The following IQGAP2 variants were observed in gnomAD, a reference collection of about 807,000 sequenced individuals.
The protein encoded by IQGAP2 is ras GTPase-activating-like protein IQGAP2.
IQGAP2 carries 173 observed loss-of-function variants against 201.3 expected under a neutral mutation model. That is an observed-to-expected ratio of 0.86 (90% CI 0.76 to 0.98). The LOEUF (loss-of-function observed/expected upper bound fraction) is 0.98, where lower values mean the gene tolerates loss of function less well. Ranked by LOEUF, IQGAP2 falls within the 50% of genes least tolerant of loss-of-function variation. IQGAP2 has a pLI of 0.00. For synonymous variants in IQGAP2, 675 were observed against 673.9 expected (o/e 1.00, Z -0.03); for missense variants, 1,687 against 1,864.8 (o/e 0.90, Z 1.76).
At position 76,460,737 on chromosome 5, in the gene IQGAP2, A is replaced by G. The variant is rs574445474; in HGVS notation, c.47-833A>G. Among the ~76,000 whole-genome samples, 7 of 152,240 alleles carry G rather than the reference A, an allele frequency of 4.6e-5. No individual in the cohort carries two copies. The East Asian group carries it at 5.8e-4, about 13-fold the overall frequency. ...TCTTTGTTGACACCCGTTGGTATCA[A>G]TGCTGTGGGGTGAGGTCTCCATGTT... On this transcript the variant is annotated intron_variant, in intron 1 of 35. Coordinates refer to ENST00000274364, the MANE Select transcript of IQGAP2 (RefSeq NM_006633.5).
At chr5:76,510,252 A>G (rs1053012149) in intron 2 of IQGAP2, among the ~76,000 whole-genome samples, 3 of 152,168 alleles carry the variant, frequency 2.0e-5, no homozygotes, top group African/African-American at 7.2e-5. Flanking sequence ...CACCCGCCTC[A>G]GCCTCCCAAA....
intron 23 of IQGAP2, 59 bp downstream of exon 23, chr5:76,668,903 G>T: frequency 9.2e-7 from 1 of 1,084,190 alleles, no homozygotes; most frequent in Non-Finnish European, 1.3e-6. Flanking sequence ...GTTAGTGGTG[G>T]CTGTCTTTGA....
intron 2 of IQGAP2, among the ~76,000 whole-genome samples, chr5:76,550,506 C>T (rs551205418): frequency 7.9e-5 from 12 of 152,012 alleles, no homozygotes; most frequent in Admixed American, 5.2e-4. Context: ...TGCTGCCTTC[C>T]GCAGTGTTTG....
At chr5:76,698,187 A>G in intron 33 of IQGAP2, 40 bp downstream of exon 33, 1 of 1,455,726 alleles carries the variant, frequency 6.9e-7, no homozygotes. Context: ...TAATGTCATG[A>G]TTTCTATGAG....
chr5:76,580,002 G>A (rs1298135130), intron 5 of IQGAP2, among the ~76,000 whole-genome samples: 1 of 152,176 alleles, frequency 6.6e-6, no homozygotes, highest in Non-Finnish European at 1.5e-5. Flanking sequence ...TAGGCCAGGT[G>A]TTGTGGCTCA....
At chr5:76,426,656 G>C (rs1180793597) in intron 1 of IQGAP2, among the ~76,000 whole-genome samples, 1 of 152,142 alleles carries the variant, frequency 6.6e-6, no homozygotes, top group East Asian at 1.9e-4. Flanking sequence ...TCTATGTGCC[G>C]AGTCTGCTGG....
intron 13 of IQGAP2, among the ~76,000 whole-genome samples, chr5:76,623,942 T>TTTTTC (rs1288702028): frequency 6.7e-6 from 1 of 149,200 alleles, no homozygotes; most frequent in East Asian, 1.9e-4. Flanking sequence ...CAGGCTTTTT[T>TTTTTC]TTTTTTTTTT....
intron 11 of IQGAP2, among the ~76,000 whole-genome samples, chr5:76,604,080 C>G (rs879338733): frequency 6.6e-6 from 1 of 152,086 alleles, no homozygotes; most frequent in African/African-American, 2.4e-5. Flanking sequence ...CTGCACCCAT[C>G]AACCCACCAT....
intron 2 of IQGAP2, among the ~76,000 whole-genome samples, chr5:76,469,748 C>CTT (rs781390838): frequency 6.8e-6 from 1 of 146,238 alleles, no homozygotes; most frequent in Admixed American, 6.9e-5. Context: ...ATTAAACAGG[C>CTT]TTTTTTTTTT....
At chr5:76,420,933 A>G (rs925662662) in intron 1 of IQGAP2, among the ~76,000 whole-genome samples, 26 of 152,306 alleles carry the variant, frequency 1.7e-4, no homozygotes, top group African/African-American at 5.8e-4. Context: ...ATAATATCCC[A>G]TTGTAGGTAC....
chr5:76,479,714 A>T (rs76529391), intron 2 of IQGAP2, among the ~76,000 whole-genome samples: 3,165 of 152,242 alleles, frequency 0.021, 115 homozygotes, highest in African/African-American at 0.072. Flanking sequence ...TTCTGCACAA[A>T]TAGATTTAAG....
chr5:76,548,995 T>C (rs943980745), intron 2 of IQGAP2, among the ~76,000 whole-genome samples: 4 of 152,156 alleles, frequency 2.6e-5, no homozygotes, highest in African/African-American at 7.2e-5. Context: ...GCTGGCATAC[T>C]TCCTGCGCAA....
intron 17 of IQGAP2, among the ~76,000 whole-genome samples, chr5:76,644,688 G>A (rs1401894261): frequency 6.6e-6 from 1 of 152,090 alleles, no homozygotes; most frequent in African/African-American, 2.4e-5. Flanking sequence ...TCTAATTAGA[G>A]AAGAGATTAC....
At chr5:76,668,553 T>C (rs1406072964) in intron 22 of IQGAP2, 128 bp from the exon 23 acceptor site, 9 of 699,590 alleles carry the variant, frequency 1.3e-5, no homozygotes, top group Non-Finnish European at 2.2e-5. Flanking sequence ...TATATACTCA[T>C]CTATATGCTT....
At chr5:76,606,355 G>T in intron 12 of IQGAP2, 52 bp downstream of exon 12, 1 of 1,469,050 alleles carries the variant, frequency 6.8e-7, no homozygotes, top group South Asian at 1.5e-5. Flanking sequence ...GAAGGTATCT[G>T]GACAACTTAG....
chr5:76,598,475 A>C (rs1747192537), intron 10 of IQGAP2, among the ~76,000 whole-genome samples: 1 of 152,226 alleles, frequency 6.6e-6, no homozygotes, highest in South Asian at 2.1e-4. Context: ...AAAAAAGTTT[A>C]AACTCAATCA....
chr5:76,612,126 T>C (rs1218446859), intron 13 of IQGAP2, among the ~76,000 whole-genome samples: 3 of 152,206 alleles, frequency 2.0e-5, no homozygotes, highest in South Asian at 4.1e-4. Flanking sequence ...TTCTGAACCA[T>C]TTTGCCATCA....
intron 2 of IQGAP2, among the ~76,000 whole-genome samples, chr5:76,539,887 A>G (rs919835928): frequency 5.9e-5 from 9 of 152,186 alleles, no homozygotes; most frequent in African/African-American, 2.2e-4. Context: ...CTCTTTCTGT[A>G]GTGCCCAGGA....
At chr5:76,677,527 C>G in intron 28 of IQGAP2, 177 bp downstream of exon 28, 1 of 445,312 alleles carries the variant, frequency 2.2e-6, no homozygotes, top group Non-Finnish European at 3.8e-6. Flanking sequence ...AAAACTCCTT[C>G]TCCCAAACAA....
Sources: allele counts gnomAD v4.1 joint callset (sites outside exome capture counted in the v4.1 genomes callset), GRCh38; gene constraint gnomAD v4.1.1; transcripts MANE v1.5; gene names NCBI Gene and HGNC (gene_info 2026-07-23, HGNC 2026-07-21).